KCTD1: variants seen among roughly 807,000 people sequenced by gnomAD.
KCTD1 encodes the protein potassium channel tetramerization domain containing 1, also known as BTB/POZ domain-containing protein KCTD1.
Under a neutral mutation model 66.0 loss-of-function variants are expected in KCTD1, and 24 were observed. The ratio of observed to expected loss-of-function variants is 0.36; its 90% CI spans 0.26 to 0.51. KCTD1 has a LOEUF of 0.51. Among genes scored for constraint, KCTD1 ranks in the 20% least tolerant of loss-of-function variants. The pLI is 0.95. For missense variants in KCTD1, 943 were observed against 1,205.2 expected, an observed-to-expected ratio of 0.78 and a Z score of 3.22; for synonymous variants, 511 against 517.2, an observed-to-expected ratio of 0.99 and a Z score of 0.16.
chr18:26,508,457 A>G (rs954452658), intron 1 of KCTD1, among the ~76,000 whole-genome samples: 12 of 152,234 alleles, frequency 7.9e-5, no homozygotes, highest in African/African-American at 2.7e-4. Flanking sequence ...GTTTAAACTG[A>G]AAGTTTTAAT....
At chr18:26,559,086 G>A (rs958840835) in intron 1 of KCTD1, among the ~76,000 whole-genome samples, 1 of 152,126 alleles carries the variant, frequency 6.6e-6, no homozygotes, top group Non-Finnish European at 1.5e-5. Flanking sequence ...GTAGAGGATG[G>A]TTACCAGAGA....
At chr18:26,543,474 C>G (rs1359313495) in intron 1 of KCTD1, 1 of 152,240 alleles carries the variant, frequency 6.6e-6, no homozygotes, top group Non-Finnish European at 1.5e-5. Flanking sequence ...TAAGTAGATA[C>G]ATTAAATATT....
chr18:26,655,255 G>A (rs1382815832), intron 1 of KCTD1, among the ~76,000 whole-genome samples: 6 of 152,180 alleles, frequency 3.9e-5, no homozygotes, highest in Admixed American at 2.0e-4. Context: ...CTACTGCTGA[G>A]AAGGTAAAAG....
At chr18:26,617,647 T>C (rs1268134615) in intron 1 of KCTD1, among the ~76,000 whole-genome samples, 1 of 152,204 alleles carries the variant, frequency 6.6e-6, no homozygotes, top group African/African-American at 2.4e-5. Flanking sequence ...CAGCCTCCTA[T>C]GTGGTAGAGA....
At chr18:26,642,129 T>A (rs901065793), upstream of KCTD1, among the ~76,000 whole-genome samples, 3 of 152,082 alleles carry the variant, frequency 2.0e-5, no homozygotes, top group African/African-American at 7.2e-5. Flanking sequence ...GCTGGGTGGG[T>A]TTTTTTGGCT....
chr18:26,551,766 T>A (rs1451891860), upstream of KCTD1, among the ~76,000 whole-genome samples: 1 of 152,222 alleles, frequency 6.6e-6, no homozygotes, highest in Non-Finnish European at 1.5e-5. Context: ...TGTGGTTCCA[T>A]ACACTCAATT....
At chr18:26,563,285 C>A (rs1208033287) in intron 1 of KCTD1, among the ~76,000 whole-genome samples, 3 of 152,176 alleles carry the variant, frequency 2.0e-5, no homozygotes, top group African/African-American at 7.2e-5. Context: ...CCTTTGTATC[C>A]TTTAACTTAG....
intron 1 of KCTD1, among the ~76,000 whole-genome samples, chr18:26,555,421 G>A (rs889192850): frequency 9.2e-5 from 14 of 152,230 alleles, no homozygotes; most frequent in Non-Finnish European, 1.6e-4. Flanking sequence ...GTGAAACTCC[G>A]TCTCAAAAAT....
chr18:26,513,148 C>A (rs563539090), intron 1 of KCTD1, among the ~76,000 whole-genome samples: 3 of 145,738 alleles, frequency 2.1e-5, no homozygotes, highest in Admixed American at 6.9e-5. Context: ...AGTGCAATGG[C>A]GCCATCTCGG....
At chr18:26,633,631 G>A (rs1326859525), upstream of KCTD1, among the ~76,000 whole-genome samples, 1 of 152,124 alleles carries the variant, frequency 6.6e-6, no homozygotes, top group African/African-American at 2.4e-5. Context: ...TGCAAAGAAT[G>A]TACTTATATC....
intron 1 of KCTD1, among the ~76,000 whole-genome samples, chr18:26,646,904 G>A (rs990021850): frequency 3.9e-5 from 6 of 152,086 alleles, no homozygotes; most frequent in Admixed American, 3.9e-4. Flanking sequence ...AAAAAAATAA[G>A]AAATGCCCCT....
At chr18:26,493,797 C>T (rs1029064233) in intron 2 of KCTD1, among the ~76,000 whole-genome samples, 6 of 152,162 alleles carry the variant, frequency 3.9e-5, no homozygotes, top group African/African-American at 1.2e-4. Flanking sequence ...AGGTCTTACT[C>T]GTTCTTTCTA....
rs542304344 is a variant in KCTD1, at chr18:26,456,934, A to AAAAC, written c.2440-1037_2440-1034dup. On this transcript the variant is annotated intron_variant, in intron 4 of 4. Coordinates refer to ENST00000580059, the MANE Select transcript of KCTD1 (RefSeq NM_001142730.3). Reference sequence around the variant, plus strand: ...TGATTCAATCATAACTTAAAAAAAAAAAACAAAACAAAAAAACCCACCTCA... The same window carrying AAAAC: ...TGATTCAATCATAACTTAAAAAAAAAAAACAAACAAAACAAAAAAACCCACCTCA... 5 of 151,758 alleles carry AAAAC rather than the reference A, an allele frequency of 3.3e-5. No individual in the cohort carries two copies. In the East Asian group the frequency reaches 7.7e-4, roughly 23 times the overall value. The allele number at this position is 151,758 out of a possible 1,614,324, so 9.4% of individuals were successfully genotyped here. A position where few individuals can be genotyped will look rare whatever the true frequency, so the allele number is the denominator to read the frequency against.
intron 1 of KCTD1, among the ~76,000 whole-genome samples, chr18:26,657,166 C>G (rs946233334): frequency 4.6e-5 from 7 of 151,516 alleles, no homozygotes; most frequent in Non-Finnish European, 3.0e-5. Flanking sequence ...GCGGCAGCCC[C>G]GGAGGAGGCG....
chr18:26,644,765 AAAG>A (rs1038853803), upstream of KCTD1, among the ~76,000 whole-genome samples: 2 of 151,682 alleles, frequency 1.3e-5, no homozygotes, highest in African/African-American at 4.9e-5. Context: ...TAAAAAAAAA[AAAG>A]AGAGAGAGAG....
At position 26,547,307 on chromosome 18, in the gene KCTD1, C is replaced by G. The variant is rs1352012714; in HGVS notation, c.1230G>C (p.Arg410=). 1.3e-5 allele frequency: 20 copies of G among 1,551,516 alleles called. No individual in the cohort carries two copies. Among genetic ancestry groups the G allele is most frequent in the Non-Finnish European group, 1.7e-5 (20 of 1,146,960 alleles). ...PLCKAFFQRP[R]DHCSEGDVTW... ...TCACATCGCCCTCGCTGCAGTGGTCCCGGGGCCGCTGGAAGAACGCCTTGC... is the reference window on the plus strand; with the variant it reads ...TCACATCGCCCTCGCTGCAGTGGTCGCGGGGCCGCTGGAAGAACGCCTTGC... Residue 410 remains arginine (R), a synonymous_variant, in exon 1 of 5, where the codon CGG becomes CGC. Coordinates refer to ENST00000580059, the MANE Select transcript of KCTD1 (RefSeq NM_001142730.3).
chr18:26,515,590 C>T (rs1243642562), intron 1 of KCTD1, among the ~76,000 whole-genome samples: 1 of 150,474 alleles, frequency 6.6e-6, no homozygotes, highest in Non-Finnish European at 1.5e-5. Context: ...ACTGCAACCT[C>T]CGCCTCCTGG....
At chr18:26,481,816 A>G (rs534025496) in intron 2 of KCTD1, among the ~76,000 whole-genome samples, 2 of 152,266 alleles carry the variant, frequency 1.3e-5, no homozygotes, top group South Asian at 4.1e-4. Context: ...ATCCCCAGCT[A>G]TTCTGATGTA....
At chr18:26,650,555 TG>T (rs755201307) in intron 1 of KCTD1, among the ~76,000 whole-genome samples, 1 of 152,266 alleles carries the variant, frequency 6.6e-6, no homozygotes, top group African/African-American at 2.4e-5. Context: ...TTACCTCATT[TG>T]TAGTTCAGAA....
Sources: gnomAD v4.1 joint callset for allele counts (sites outside exome capture counted in the v4.1 genomes callset) on GRCh38, gnomAD v4.1.1 for gene constraint, MANE v1.5 for transcripts, NCBI Gene and HGNC (gene_info 2026-07-23, HGNC 2026-07-21) for gene names.